TXLNB: variants seen among roughly 807,000 people sequenced by gnomAD.
The protein encoded by TXLNB is taxilin beta, also known as beta-taxilin.
TXLNB carries 37 observed loss-of-function variants against 57.4 expected under a neutral mutation model. That is an observed-to-expected ratio of 0.64 (90% CI 0.50 to 0.85). TXLNB has a LOEUF of 0.85. Among genes scored for constraint, TXLNB ranks in the 40% least tolerant of loss-of-function variants. The pLI is 0.00. For missense variants in TXLNB, 848 were observed against 825.6 expected, an observed-to-expected ratio of 1.03 and a Z score of -0.33; for synonymous variants, 302 against 309.6, an observed-to-expected ratio of 0.98 and a Z score of 0.26.
chr6:139,247,519 T>A (rs1776093723), intron 8 of TXLNB, among the ~76,000 whole-genome samples: 1 of 149,824 alleles, frequency 6.7e-6, no homozygotes, highest in Admixed American at 6.6e-5. Flanking sequence ...GTTAAATTGC[T>A]AGCTCTGGTC....
chr6:139,229,380 T>C, the TXLNB span, among the ~76,000 whole-genome samples: 2 of 152,188 alleles, frequency 1.3e-5, no homozygotes, highest in African/African-American at 2.4e-5. Context: ...TGGAGACCAA[T>C]GGCGTGGTCT....
the TXLNB span, among the ~76,000 whole-genome samples, chr6:139,169,168 C>G: frequency 2.4e-4 from 36 of 152,172 alleles, no homozygotes; most frequent in African/African-American, 8.7e-4. Context: ...TTCCGCTACC[C>G]TATTTTCACT....
At chr6:139,310,574 G>A in the TXLNB span, among the ~76,000 whole-genome samples, 1 of 152,200 alleles carries the variant, frequency 6.6e-6, no homozygotes, top group Non-Finnish European at 1.5e-5. Context: ...TTCAGATTAA[G>A]CTCAAAGCAT....
At chr6:139,245,853 T>C (rs928290676) in intron 8 of TXLNB, among the ~76,000 whole-genome samples, 1 of 150,288 alleles carries the variant, frequency 6.7e-6, no homozygotes, top group Non-Finnish European at 1.5e-5. Flanking sequence ...CCACCATTCC[T>C]GGCTAATTTT....
intron 5 of TXLNB, among the ~76,000 whole-genome samples, chr6:139,262,014 C>T (rs1776495321): frequency 6.6e-6 from 1 of 151,364 alleles, no homozygotes; most frequent in Admixed American, 6.6e-5. Flanking sequence ...AGAGATTCTC[C>T]TGCCTCAGCC....
chr6:139,297,123 A>G, the TXLNB span, among the ~76,000 whole-genome samples: 1 of 151,926 alleles, frequency 6.6e-6, no homozygotes, highest in Non-Finnish European at 1.5e-5. Context: ...ATTTACCACT[A>G]TGTATTGTGT....
the TXLNB span, among the ~76,000 whole-genome samples, chr6:139,223,191 G>T: frequency 6.6e-6 from 1 of 152,148 alleles, no homozygotes; most frequent in Non-Finnish European, 1.5e-5. Flanking sequence ...GTTTAGAAAT[G>T]AATCAATACA....
At position 139,260,406 on chromosome 6, in the gene TXLNB, A is replaced by C; in HGVS notation, c.914T>G (p.Leu305Arg). 1 of 1,614,158 alleles carries C rather than the reference A, an allele frequency of 6.2e-7. No homozygotes were observed. Among genetic ancestry groups the C allele is most frequent in the Non-Finnish European group, 8.5e-7 (1 of 1,180,032 alleles). ...HLDKIFKHRE[L>R]QQKLVDAKLE... ...CTTTGCATCCACCAGCTTCTGCTGC[A>C]GTTCTCTGTGTTTAAATATTTTGTC... Residue 305 changes from leucine (L) to arginine (R), a missense_variant, in exon 6 of 10, where the codon CTG (leucine) becomes CGG (arginine). Physicochemically the swap from Leu to Arg is moderately radical, Grantham distance 102 (BLOSUM62 -2). Transcript: ENST00000358430.
At chr6:139,189,141 A>G in the TXLNB span, among the ~76,000 whole-genome samples, 3 of 152,230 alleles carry the variant, frequency 2.0e-5, no homozygotes, top group Admixed American at 6.5e-5. Context: ...AAGCAATCAT[A>G]TGATGTGTAG....
At chr6:139,255,676 T>C (rs773727353) in intron 6 of TXLNB, 38 bp from the exon 7 acceptor site, 22 of 1,564,190 alleles carry the variant, frequency 1.4e-5, no homozygotes, top group Non-Finnish European at 1.8e-5. Context: ...ATGGTCAGAT[T>C]TGCCTTTTAG....
At position 139,243,112 on chromosome 6, in the gene TXLNB, G is replaced by A. The variant is rs1775990730; in HGVS notation, c.1469C>T (p.Ala490Val). The A allele has an allele frequency of 1.9e-6, 3 of 1,614,160 alleles. No homozygotes were observed. Among genetic ancestry groups the A allele is most frequent in the South Asian group, 1.1e-5 (1 of 91,080 alleles). Residue 490 changes from alanine (A) to valine (V), a missense_variant, in exon 10 of 10, where the codon GCA (alanine) becomes GTA (valine). Transcript: ENST00000358430. The part of the protein sequence containing the change: ...SNVSVDQEID[A>V]EEVNSVQTAV... ...GGTTTGGACACTATTAACCTCCTCT[G>A]CGTCAATCTCTTGATCCACAGAGAC...
chr6:139,166,066 G>A, the TXLNB span: 1 of 488,276 alleles, frequency 2.0e-6, no homozygotes, highest in Non-Finnish European at 3.6e-6. Context: ...GAAGGGCGTT[G>A]AAGGTCCTTT....
chr6:139,207,926 A>G, the TXLNB span, among the ~76,000 whole-genome samples: 4 of 152,306 alleles, frequency 2.6e-5, no homozygotes, highest in Admixed American at 2.6e-4. Context: ...AAGTACAAAA[A>G]TTAGCTGGGC....
chr6:139,182,651 C>T, the TXLNB span, among the ~76,000 whole-genome samples: 2 of 152,248 alleles, frequency 1.3e-5, no homozygotes, highest in Admixed American at 1.3e-4. Flanking sequence ...TGAGGTAAAC[C>T]TTACCTGCTG....
At chr6:139,211,018 G>A in the TXLNB span, among the ~76,000 whole-genome samples, 1 of 152,230 alleles carries the variant, frequency 6.6e-6, no homozygotes. Flanking sequence ...ACAGCTCAAG[G>A]AGGCCTGCCT....
At chr6:139,278,815 C>T (rs1339111986) in intron 2 of TXLNB, among the ~76,000 whole-genome samples, 2 of 152,168 alleles carry the variant, frequency 1.3e-5, no homozygotes, top group Admixed American at 6.5e-5. Context: ...ACCATCCTGG[C>T]CAACATGGTG....
the TXLNB span, among the ~76,000 whole-genome samples, chr6:139,200,406 G>A: frequency 6.6e-6 from 1 of 152,194 alleles, no homozygotes; most frequent in Non-Finnish European, 1.5e-5. Context: ...AGAAATAAAA[G>A]ACCATGCCTT....
chr6:139,204,383 G>C, the TXLNB span, among the ~76,000 whole-genome samples: 13 of 152,056 alleles, frequency 8.5e-5, no homozygotes, highest in Non-Finnish European at 7.4e-5. Context: ...TATTCTTCTT[G>C]ATGGAGGCAC....
At chr6:139,256,804 C>T (rs1435103948) in intron 6 of TXLNB, among the ~76,000 whole-genome samples, 1 of 152,182 alleles carries the variant, frequency 6.6e-6, no homozygotes, top group Admixed American at 6.5e-5. Flanking sequence ...ATGCAGATGC[C>T]TCTCAGATAA....
Sources: gnomAD v4.1 joint callset for allele counts (sites outside exome capture counted in the v4.1 genomes callset) on GRCh38, gnomAD v4.1.1 for gene constraint, MANE v1.5 for transcripts, NCBI Gene and HGNC (gene_info 2026-07-23, HGNC 2026-07-21) for gene names.